Variants in TENM2 observed in about 807,000 individuals in gnomAD.
The protein encoded by TENM2 is teneurin-2.
Under a neutral mutation model 245.2 loss-of-function variants are expected in TENM2, and 52 were observed. That is an observed-to-expected ratio of 0.21 (90% CI 0.17 to 0.27). TENM2 has a LOEUF of 0.27. Among genes scored for constraint, TENM2 ranks in the 10% least tolerant of loss-of-function variants. TENM2 has a pLI of 1.00. For missense variants in TENM2, 3,046 were observed against 3,666.8 expected, an observed-to-expected ratio of 0.83 and a Z score of 4.37; for synonymous variants, 1,363 against 1,438.9, an observed-to-expected ratio of 0.95 and a Z score of 1.19.
At chr5:167,122,149 G>A in the TENM2 span, among the ~76,000 whole-genome samples, 1 of 152,106 alleles carries the variant, frequency 6.6e-6, no homozygotes, top group Non-Finnish European at 1.5e-5. Flanking sequence ...TAAATGCACA[G>A]TTGAAATCTA....
At chr5:167,195,336 T>G in the TENM2 span, among the ~76,000 whole-genome samples, 16 of 152,052 alleles carry the variant, frequency 1.1e-4, no homozygotes, top group Non-Finnish European at 1.8e-4. Flanking sequence ...ACAAGAGACC[T>G]AAGGGAATGG....
intron 7 of TENM2, among the ~76,000 whole-genome samples, chr5:168,070,812 AGAGAG>A (rs1790933865): frequency 7.3e-6 from 1 of 136,178 alleles, no homozygotes; most frequent in African/African-American, 2.7e-5. Context: ...AGAGAGAGAG[AGAGAG>A]AGAAAAAAAG....
At chr5:168,228,986 AATATACAT>A (rs1358135715) in intron 25 of TENM2, among the ~76,000 whole-genome samples, 1 of 147,954 alleles carries the variant, frequency 6.8e-6, no homozygotes, top group Non-Finnish European at 1.5e-5. Flanking sequence ...ACGTATACAT[AATATACAT>A]ATATAATACA....
chr5:167,339,117 T>C (rs973643311), intron 1 of TENM2, among the ~76,000 whole-genome samples: 6 of 152,198 alleles, frequency 3.9e-5, no homozygotes, highest in African/African-American at 1.4e-4. Context: ...AAGTCTTAAC[T>C]CATTCCAACA....
chr5:167,673,475 C>T lies in TENM2; in HGVS notation c.503-202511C>T, dbSNP rs566610560. Among the ~76,000 whole-genome samples the T allele has an allele frequency of 2.0e-5, 3 of 152,210 alleles. No homozygotes were observed. The South Asian group carries it at 6.2e-4, about 32-fold the overall frequency. ...AACATCATTTGTCTCTACTAAAGCC[C>T]TTGACATTTGTTCCTTCAACTAAGA... On this transcript the variant is annotated intron_variant, in intron 2 of 28. Transcript: ENST00000518659.
At chr5:167,565,131 A>G (rs1385869140) in intron 2 of TENM2, among the ~76,000 whole-genome samples, 6 of 152,234 alleles carry the variant, frequency 3.9e-5, no homozygotes, top group Admixed American at 3.3e-4. Context: ...CAAATTCTAA[A>G]TATGTTTTAC....
intron 10 of TENM2, among the ~76,000 whole-genome samples, chr5:168,123,991 C>T (rs1380931307): frequency 1.3e-5 from 2 of 152,176 alleles, no homozygotes; most frequent in African/African-American, 2.4e-5. Flanking sequence ...CTTTGCAGCT[C>T]GCTCCTCTCC....
chr5:167,804,481 A>G (rs1766007747), intron 2 of TENM2, among the ~76,000 whole-genome samples: 1 of 152,100 alleles, frequency 6.6e-6, no homozygotes, highest in South Asian at 2.1e-4. Flanking sequence ...GTTGCCAGCA[A>G]ATTGGAACAA....
chr5:167,067,713 G>T, the TENM2 span, among the ~76,000 whole-genome samples: 31 of 152,112 alleles, frequency 2.0e-4, no homozygotes, highest in African/African-American at 7.2e-4. Context: ...ACTATGCTCT[G>T]CTCATTCATC....
chr5:167,901,442 TACA>T (rs1345793533), intron 3 of TENM2, among the ~76,000 whole-genome samples: 2 of 152,338 alleles, frequency 1.3e-5, no homozygotes, highest in Non-Finnish European at 2.9e-5. Flanking sequence ...TATGGAAACA[TACA>T]GCACCATGAA....
At chr5:168,235,154 C>A (rs1359048622) in intron 25 of TENM2, among the ~76,000 whole-genome samples, 1 of 152,186 alleles carries the variant, frequency 6.6e-6, no homozygotes, top group Non-Finnish European at 1.5e-5. Context: ...TTCACAGCTC[C>A]TTCCTGCCAC....
chr5:168,163,065 C>T (rs950516622), intron 13 of TENM2, among the ~76,000 whole-genome samples: 2 of 152,144 alleles, frequency 1.3e-5, no homozygotes, highest in Non-Finnish European at 2.9e-5. Context: ...TTCAGGGCTG[C>T]GGATAACAGT....
chr5:167,557,677 G>A (rs1290502941), intron 2 of TENM2, among the ~76,000 whole-genome samples: 1 of 152,142 alleles, frequency 6.6e-6, no homozygotes, highest in African/African-American at 2.4e-5. Context: ...CCAGTAGGGG[G>A]GTGATTCTGC....
chr5:167,300,586 C>T (rs1279516581), intron 1 of TENM2, among the ~76,000 whole-genome samples: 5 of 151,976 alleles, frequency 3.3e-5, no homozygotes, highest in African/African-American at 9.7e-5. Flanking sequence ...ATGTAACAGG[C>T]GAGTGATAAC....
intron 2 of TENM2, among the ~76,000 whole-genome samples, chr5:167,825,637 G>A (rs1220394347): frequency 2.6e-5 from 4 of 152,214 alleles, no homozygotes; most frequent in East Asian, 3.9e-4. Context: ...ACAGACTTGC[G>A]ATCCCACGGG....
the TENM2 span, among the ~76,000 whole-genome samples, chr5:167,062,600 T>C: frequency 2.6e-5 from 4 of 152,206 alleles, no homozygotes; most frequent in African/African-American, 9.7e-5. Flanking sequence ...CAACATGGAT[T>C]GAACATTTAC....
intron 13 of TENM2, among the ~76,000 whole-genome samples, chr5:168,189,841 C>T (rs749778376): frequency 6.6e-6 from 1 of 152,118 alleles, no homozygotes; most frequent in Non-Finnish European, 1.5e-5. Context: ...TTCCTGGGCT[C>T]AAGTGATCCT....
chr5:167,648,874 C>T (rs1366871381), intron 2 of TENM2, among the ~76,000 whole-genome samples: 1 of 152,204 alleles, frequency 6.6e-6, no homozygotes, highest in Non-Finnish European at 1.5e-5. Flanking sequence ...TTTCAGGCAA[C>T]TTTCTGAAGC....
chr5:168,101,268 A>T (rs949673339), intron 9 of TENM2, among the ~76,000 whole-genome samples: 2 of 152,176 alleles, frequency 1.3e-5, no homozygotes, highest in African/African-American at 4.8e-5. Flanking sequence ...GGCCTTTTAT[A>T]TGTGGCTGCA....
Sources: gnomAD v4.1 joint callset for allele counts (sites outside exome capture counted in the v4.1 genomes callset) on GRCh38, gnomAD v4.1.1 for gene constraint, MANE v1.5 for transcripts, NCBI Gene and HGNC (gene_info 2026-07-23, HGNC 2026-07-21) for gene names.